The following WDPCP variants were observed in gnomAD, a reference collection of about 807,000 sequenced individuals.
The protein encoded by WDPCP is WD repeat containing planar cell polarity effector, also known as WD repeat-containing and planar cell polarity effector protein fritz homolog.
A neutral mutation model predicts 93.1 loss-of-function variants in WDPCP; 71 were observed. That is an observed-to-expected ratio of 0.76 (90% CI 0.63 to 0.93). The LOEUF is 0.93. Among genes scored for constraint, WDPCP ranks in the 40% least tolerant of loss-of-function variants. WDPCP has a pLI of 0.00. For missense variants in WDPCP, 844 were observed against 887.4 expected (o/e 0.95, Z 0.62); for synonymous variants, 315 against 315.0 (o/e 1.00, Z 0.00).
At chr2:63,504,324 TTGTGTGTGTGTG>T (rs60202196) in intron 1 of WDPCP, among the ~76,000 whole-genome samples, 31 of 138,110 alleles carry the variant, frequency 2.2e-4, no homozygotes, top group African/African-American at 4.0e-4. Flanking sequence ...ACGTACTAAA[TTGTGTGTGTGTG>T]TGTGTGTGTG....
chr2:63,286,000 C>CTT (rs1559283315), intron 13 of WDPCP, among the ~76,000 whole-genome samples: 1 of 150,342 alleles, frequency 6.7e-6, no homozygotes, highest in Admixed American at 6.6e-5. Flanking sequence ...AAGTTTCTCT[C>CTT]TCTCTCTCTC....
At chr2:63,738,094 A>G (rs1199507095) in intron 2 of WDPCP, among the ~76,000 whole-genome samples, 1 of 152,064 alleles carries the variant, frequency 6.6e-6, no homozygotes, top group Non-Finnish European at 1.5e-5. Context: ...TGGTCTGGAG[A>G]CATATTCTGA....
At position 63,135,417 on chromosome 2, in the gene WDPCP, G is replaced by A. The variant is rs377221076; in HGVS notation, c.2191-13361C>T. Among the ~76,000 whole-genome samples the A allele has an allele frequency of 4.6e-5, 7 of 151,254 alleles. No individual in the cohort carries two copies. The East Asian group carries it at 1.2e-3, about 26-fold the overall frequency. ...CGCGATCTTGGCTCACTGCCACCTC[G>A]GCCTCCCGGATTCAAGCGATTCTCC... On this transcript the variant is annotated intron_variant, in intron 17 of 17. Transcript: ENST00000272321.
intron 2 of WDPCP, among the ~76,000 whole-genome samples, chr2:63,678,801 G>T (rs1002354502): frequency 6.6e-6 from 1 of 152,204 alleles, no homozygotes; most frequent in Middle Eastern, 3.2e-3. Context: ...GTGGCAAGTC[G>T]CTAGCTTCAT....
rs144556650 is a variant in WDPCP at position 63,232,161 on chromosome 2, G to A, written c.1915+27146C>T. Among the ~76,000 whole-genome samples, 457 of 152,126 alleles carry A rather than the reference G, an allele frequency of 3.0e-3. 1 individual carries two copies. Among genetic ancestry groups the A allele is most frequent in the East Asian group, 0.021 (111 of 5,172 alleles). ...AGCTGAAACTGGATCCCTTCCTTACGCCTTATACAAAAATTAATTCAAGAT... is the reference window on the plus strand; with the variant it reads ...AGCTGAAACTGGATCCCTTCCTTACACCTTATACAAAAATTAATTCAAGAT... On this transcript the variant is annotated intron_variant, in intron 14 of 17. Coordinates refer to ENST00000272321, the MANE Select transcript of WDPCP (RefSeq NM_015910.7).
chr2:63,538,058 G>T (rs1226826016), intron 1 of WDPCP, among the ~76,000 whole-genome samples: 2 of 152,050 alleles, frequency 1.3e-5, no homozygotes, highest in East Asian at 1.9e-4. Flanking sequence ...AGGTTTTGGG[G>T]TTTTTTTAAT....
chr2:63,402,852 T>C (rs998283118), intron 10 of WDPCP, among the ~76,000 whole-genome samples: 4 of 152,348 alleles, frequency 2.6e-5, no homozygotes, highest in South Asian at 2.1e-4. Context: ...AGTTCAATCA[T>C]TGTGGAAAGC....
upstream of WDPCP, chr2:63,827,960 T>C (rs1054519793): frequency 6.6e-6 from 1 of 152,224 alleles, no homozygotes; most frequent in Non-Finnish European, 1.5e-5. Context: ...ATTTGAGCTA[T>C]ATTTAAAGCA....
At chr2:63,255,690 C>T (rs1243147126) in intron 14 of WDPCP, among the ~76,000 whole-genome samples, 2 of 152,116 alleles carry the variant, frequency 1.3e-5, no homozygotes, top group African/African-American at 4.8e-5. Context: ...GAACCTTGAA[C>T]CAAAATAAAC....
intron 2 of WDPCP, among the ~76,000 whole-genome samples, chr2:63,775,901 T>C (rs1405590099): frequency 2.6e-5 from 4 of 152,056 alleles, no homozygotes; most frequent in Non-Finnish European, 5.9e-5. Flanking sequence ...GGCATTAGTA[T>C]TAAAAAATAA....
intron 9 of WDPCP, among the ~76,000 whole-genome samples, chr2:63,420,736 G>C (rs1369293148): frequency 6.6e-6 from 1 of 152,102 alleles, no homozygotes; most frequent in Admixed American, 6.6e-5. Context: ...AAATGTTATT[G>C]TATTTTGTCA....
At chr2:63,489,437 G>A (rs1246043405) in intron 2 of WDPCP, among the ~76,000 whole-genome samples, 1 of 152,016 alleles carries the variant, frequency 6.6e-6, no homozygotes, top group Non-Finnish European at 1.5e-5. Context: ...CCACTGAGAG[G>A]GCCTGGGAGC....
intron 12 of WDPCP, among the ~76,000 whole-genome samples, chr2:63,362,854 T>C (rs1690592753): frequency 6.6e-6 from 1 of 152,164 alleles, no homozygotes; most frequent in Admixed American, 6.5e-5. Context: ...TAAAATGTTT[T>C]ATTTACAAAC....
intron 10 of WDPCP, among the ~76,000 whole-genome samples, chr2:63,396,655 T>C (rs1693749331): frequency 6.8e-6 from 1 of 145,988 alleles, no homozygotes. Flanking sequence ...CTAAAGTATT[T>C]CTCTTTTTTT....
At chr2:63,305,343 G>C (rs1023765499) in intron 13 of WDPCP, among the ~76,000 whole-genome samples, 1 of 152,064 alleles carries the variant, frequency 6.6e-6, no homozygotes, top group Non-Finnish European at 1.5e-5. Flanking sequence ...ATACAAGAGA[G>C]CTCCTGCTGG....
At chr2:63,266,828 A>C (rs964531167) in intron 13 of WDPCP, among the ~76,000 whole-genome samples, 3 of 152,090 alleles carry the variant, frequency 2.0e-5, no homozygotes, top group African/African-American at 4.8e-5. Flanking sequence ...AATCAATAAA[A>C]TTAAAAAATA....
chr2:63,136,547 T>C (rs1670633232), intron 17 of WDPCP, among the ~76,000 whole-genome samples: 1 of 152,184 alleles, frequency 6.6e-6, no homozygotes, highest in African/African-American at 2.4e-5. Context: ...AATATTCTTT[T>C]TTTTAACTTT....
chr2:63,260,858 T>A (rs1681568102), intron 13 of WDPCP, among the ~76,000 whole-genome samples: 1 of 152,188 alleles, frequency 6.6e-6, no homozygotes, highest in Non-Finnish European at 1.5e-5. Context: ...CGGTAAAGAC[T>A]TTATAGAGCC....
At chr2:63,643,306 T>C in intron 3 of WDPCP, 1 of 375,062 alleles carries the variant, frequency 2.7e-6, no homozygotes, top group South Asian at 2.6e-5. Context: ...CTCGTCTCTC[T>C]CTTCAGCAAT....
Sources: gnomAD v4.1 joint callset for allele counts (sites outside exome capture counted in the v4.1 genomes callset) on GRCh38, gnomAD v4.1.1 for gene constraint, MANE v1.5 for transcripts, NCBI Gene and HGNC (gene_info 2026-07-23, HGNC 2026-07-21) for gene names.